Variants in KIAA1217 observed in about 807,000 individuals in gnomAD.
The protein encoded by KIAA1217 is sickle tail protein homolog.
In KIAA1217, 88 loss-of-function variants were observed where a neutral mutation model predicts 163.9. The ratio of observed to expected loss-of-function variants is 0.54; its 90% CI spans 0.45 to 0.64. KIAA1217 has a LOEUF of 0.64. Among genes scored for constraint, KIAA1217 ranks in the 30% least tolerant of loss-of-function variants. The pLI, the probability that KIAA1217 is intolerant of heterozygous loss-of-function variation, is 0.00. For missense variants in KIAA1217, 2,372 were observed against 2,475.0 expected (o/e 0.96, Z 0.88); for synonymous variants, 903 against 923.1 (o/e 0.98, Z 0.39).
intron 1 of KIAA1217, among the ~76,000 whole-genome samples, chr10:23,797,485 A>G (rs1184652548): frequency 1.3e-5 from 2 of 152,196 alleles, no homozygotes; most frequent in African/African-American, 4.8e-5. Context: ...ACACTGCTAT[A>G]AAGAACTACC....
At position 23,963,152 on chromosome 10, in the gene KIAA1217, C is replaced by T. The variant is rs1003371701; in HGVS notation, c.-320-44073C>T. On this transcript the variant is annotated intron_variant, in intron 1 of 18. Transcript: ENST00000376462. ...AATACATATTTTAAGTTTTGGGATA[C>T]GTGTGCAGAACGTGCAGGTTTGTTA... 9.9e-5 allele frequency among the ~76,000 whole-genome samples: 15 copies of T among 152,138 alleles called. 1 individual carries two copies. Among genetic ancestry groups the T allele is most frequent in the South Asian group, 2.1e-4 (1 of 4,800 alleles).
chr10:24,069,109 G>T (rs1347550496), intron 2 of KIAA1217, among the ~76,000 whole-genome samples: 1 of 152,206 alleles, frequency 6.6e-6, no homozygotes, highest in African/African-American at 2.4e-5. Flanking sequence ...GAGCCAGGGG[G>T]CAGAGCTACG....
chr10:24,064,527 G>T (rs1170754597), intron 2 of KIAA1217, among the ~76,000 whole-genome samples: 1 of 152,178 alleles, frequency 6.6e-6, no homozygotes, highest in East Asian at 1.9e-4. Context: ...TTGATGTGTT[G>T]CTGGATTCGG....
intron 2 of KIAA1217, among the ~76,000 whole-genome samples, chr10:24,148,316 G>T (rs956734314): frequency 5.9e-5 from 9 of 152,114 alleles, no homozygotes; most frequent in African/African-American, 1.9e-4. Context: ...CATGTAAATA[G>T]AAAGATACAG....
intron 2 of KIAA1217, among the ~76,000 whole-genome samples, chr10:24,055,697 A>G (rs1371407223): frequency 6.6e-6 from 1 of 152,132 alleles, no homozygotes; most frequent in African/African-American, 2.4e-5. Context: ...TTCTGGCACA[A>G]TGTAAAGTCA....
chr10:24,383,129 G>A (rs1310012529), intron 3 of KIAA1217, among the ~76,000 whole-genome samples: 1 of 152,116 alleles, frequency 6.6e-6, no homozygotes, highest in African/African-American at 2.4e-5. Flanking sequence ...TTATAGGCAT[G>A]AGCCAGCATG....
chr10:24,303,716 G>C (rs1330946441), intron 2 of KIAA1217, among the ~76,000 whole-genome samples: 2 of 152,186 alleles, frequency 1.3e-5, no homozygotes, highest in Non-Finnish European at 2.9e-5. Context: ...GTTGAAGGCT[G>C]TTGGCTGTGA....
At chr10:23,938,759 G>T (rs1437887278) in intron 1 of KIAA1217, among the ~76,000 whole-genome samples, 3 of 152,020 alleles carry the variant, frequency 2.0e-5, no homozygotes, top group Non-Finnish European at 2.9e-5. Flanking sequence ...GGTACCCATG[G>T]GAGAGTTCTG....
rs760435465 is a variant in KIAA1217 at position 24,543,076 on chromosome 10, G to A, written c.3806G>A (p.Gly1269Asp). ...SQETVPKASF[G>D]FSGISPLEDE... is the part of the protein sequence containing the mutation. ...GAAACTGTGCCTAAGGCCAGTTTCG[G>A]TTTCTCTGGCATTAGTCCATTAGAA... The change falls in exon 19 of 21, where the codon GGT becomes GAT. Residue 1269 changes from glycine to aspartate, a missense_variant. This residue lies in a region of KIAA1217 where 251 missense variants were observed against 327.3 expected (regional missense o/e 0.77). Transcript: ENST00000376454. 1.9e-6 allele frequency: 3 copies of A among 1,613,780 alleles called. 1 individual carries two copies. In the South Asian group the frequency reaches 3.3e-5, roughly 18 times the overall value.
intron 1 of KIAA1217, among the ~76,000 whole-genome samples, chr10:23,841,186 G>T (rs1838762254): frequency 6.6e-6 from 1 of 152,060 alleles, no homozygotes; most frequent in South Asian, 2.1e-4. Context: ...GGACTATTTG[G>T]CAATTTCTAT....
intron 2 of KIAA1217, among the ~76,000 whole-genome samples, chr10:24,349,019 C>G (rs1012307623): frequency 6.6e-6 from 1 of 151,040 alleles, no homozygotes; most frequent in East Asian, 1.9e-4. Context: ...ATAGTTTCAG[C>G]TAGTTGGGAG....
intron 1 of KIAA1217, among the ~76,000 whole-genome samples, chr10:23,971,673 AT>A (rs1441857914): frequency 6.6e-6 from 1 of 152,166 alleles, no homozygotes; most frequent in African/African-American, 2.4e-5. Context: ...CCTAAAATTT[AT>A]TTTTTGACAT....
intron 1 of KIAA1217, among the ~76,000 whole-genome samples, chr10:23,801,700 A>G (rs921530315): frequency 1.6e-4 from 24 of 152,306 alleles, no homozygotes; most frequent in African/African-American, 5.5e-4. Flanking sequence ...CCCCAGGTGT[A>G]GATACTGTTA....
chr10:24,290,640 G>T (rs1418890911), intron 2 of KIAA1217, among the ~76,000 whole-genome samples: 64 of 146,122 alleles, frequency 4.4e-4, no homozygotes, highest in African/African-American at 1.5e-3. Context: ...GTCTTGCTCT[G>T]TCACCCAGGC....
intron 2 of KIAA1217, among the ~76,000 whole-genome samples, chr10:24,221,466 T>G (rs1215013816): frequency 1.3e-5 from 2 of 152,196 alleles, no homozygotes; most frequent in Non-Finnish European, 2.9e-5. Flanking sequence ...AAATTATGTC[T>G]AACTCACTCA....
chr10:24,346,404 G>A (rs945768454), intron 2 of KIAA1217, among the ~76,000 whole-genome samples: 43 of 151,694 alleles, frequency 2.8e-4, no homozygotes, highest in Admixed American at 8.5e-4. Flanking sequence ...CCCAGGAGGC[G>A]GAGCTTGCAG....
chr10:23,957,278 A>G (rs996816439), intron 1 of KIAA1217, among the ~76,000 whole-genome samples: 2 of 152,132 alleles, frequency 1.3e-5, no homozygotes, highest in South Asian at 2.1e-4. Flanking sequence ...ACTTGCTGTC[A>G]GTCGTTTCCT....
rs574224577 is a variant in KIAA1217, at chr10:24,528,277, C to T, written c.3082+158C>T. On this transcript the variant is annotated intron_variant, in intron 14 of 20. Transcript: ENST00000376454. ...CTGGAAGAGCAAATCCTCTGGTGTT[C>T]CTTAGATCTTTACTACTATCTCTCT... Among the ~76,000 whole-genome samples the T allele has an allele frequency of 3.3e-5, 5 of 151,696 alleles. No individual in the cohort carries two copies. In the South Asian group the frequency reaches 8.4e-4, roughly 25 times the overall value.
intron 1 of KIAA1217, among the ~76,000 whole-genome samples, chr10:23,956,034 G>T (rs1213821712): frequency 6.6e-6 from 1 of 152,188 alleles, no homozygotes; most frequent in Non-Finnish European, 1.5e-5. Context: ...ACAAAGAGCA[G>T]TCATTGTAAG....
Sources: allele counts gnomAD v4.1 joint callset (sites outside exome capture counted in the v4.1 genomes callset), GRCh38; gene constraint gnomAD v4.1.1; regional missense constraint gnomAD v4.1.1; transcripts MANE v1.5; gene names NCBI Gene and HGNC (gene_info 2026-07-23, HGNC 2026-07-21).